The following MDGA2 variants were observed in gnomAD, a reference collection of about 807,000 sequenced individuals.
The protein encoded by MDGA2 is MAM domain containing glycosylphosphatidylinositol anchor 2.
Under a neutral mutation model 117.8 loss-of-function variants are expected in MDGA2, and 40 were observed. That is an observed-to-expected ratio of 0.34 (90% CI 0.26 to 0.44). MDGA2 has a LOEUF of 0.44. Ranked by LOEUF, MDGA2 falls within the 20% of genes least tolerant of loss-of-function variation. The probability of loss-of-function intolerance (pLI) is 1.00; values close to 1 mark genes in which losing one functional copy is unlikely to be tolerated. For missense variants in MDGA2, 1,123 were observed against 1,250.6 expected (o/e 0.90, Z 1.54); for synonymous variants, 452 against 439.0 (o/e 1.03, Z -0.37).
At chr14:47,639,291 A>G (rs1178138452) in intron 1 of MDGA2, among the ~76,000 whole-genome samples, 3 of 152,170 alleles carry the variant, frequency 2.0e-5, no homozygotes, top group South Asian at 2.1e-4. Flanking sequence ...ATTTGATTAA[A>G]ACTTTGATGA....
intron 8 of MDGA2, among the ~76,000 whole-genome samples, chr14:47,008,528 C>A (rs1333577624): frequency 6.6e-6 from 1 of 151,820 alleles, no homozygotes; most frequent in Non-Finnish European, 1.5e-5. Flanking sequence ...CATTTCTGCC[C>A]AGCAAAGCTA....
intron 6 of MDGA2, among the ~76,000 whole-genome samples, chr14:47,096,126 T>C (rs1879953045): frequency 6.6e-6 from 1 of 152,030 alleles, no homozygotes; most frequent in Non-Finnish European, 1.5e-5. Context: ...CATTGCTACT[T>C]TGACTTAGTG....
intron 2 of MDGA2, among the ~76,000 whole-genome samples, chr14:47,249,645 T>G (rs1887378845): frequency 6.6e-6 from 1 of 152,172 alleles, no homozygotes; most frequent in Non-Finnish European, 1.5e-5. Flanking sequence ...ACCACAATTC[T>G]TATGGCCTCT....
At chr14:46,930,180 AG>A (rs2138544524) in intron 9 of MDGA2, among the ~76,000 whole-genome samples, 1 of 152,280 alleles carries the variant, frequency 6.6e-6, no homozygotes, top group Admixed American at 6.5e-5. Flanking sequence ...TGTTGGCAAA[AG>A]TTTAATAAGT....
At chr14:47,368,581 G>A (rs1024962411) in intron 1 of MDGA2, among the ~76,000 whole-genome samples, 5 of 152,082 alleles carry the variant, frequency 3.3e-5, no homozygotes, top group African/African-American at 1.2e-4. Context: ...ACTGCTAGTC[G>A]ATGGCAATTT....
chr14:46,952,051 T>C (rs1209387599), intron 9 of MDGA2, among the ~76,000 whole-genome samples: 1 of 151,948 alleles, frequency 6.6e-6, no homozygotes, highest in Non-Finnish European at 1.5e-5. Context: ...GTGCATAGTT[T>C]ACAGAGATAA....
chr14:47,363,630 A>C (rs1891172872), intron 1 of MDGA2, among the ~76,000 whole-genome samples: 1 of 152,164 alleles, frequency 6.6e-6, no homozygotes, highest in Non-Finnish European at 1.5e-5. Context: ...ATTATAATAA[A>C]AAGTCACACA....
At chr14:47,386,432 T>C (rs1276294596) in intron 1 of MDGA2, among the ~76,000 whole-genome samples, 1 of 152,174 alleles carries the variant, frequency 6.6e-6, no homozygotes, top group African/African-American at 2.4e-5. Context: ...ATAATCATCA[T>C]CAGTTTCACA....
At chr14:47,433,232 T>C (rs1022287360) in intron 1 of MDGA2, among the ~76,000 whole-genome samples, 1 of 152,088 alleles carries the variant, frequency 6.6e-6, no homozygotes, top group South Asian at 2.1e-4. Context: ...CTATTAGACA[T>C]AGAAACCTTA....
intron 3 of MDGA2, among the ~76,000 whole-genome samples, chr14:47,182,337 C>A (rs914758434): frequency 6.6e-6 from 1 of 151,950 alleles, no homozygotes; most frequent in Non-Finnish European, 1.5e-5. Flanking sequence ...GAAGCCCTAA[C>A]CCCCAATGTG....
intron 1 of MDGA2, among the ~76,000 whole-genome samples, chr14:47,408,610 G>C (rs1196858397): frequency 6.6e-6 from 1 of 152,160 alleles, no homozygotes; most frequent in African/African-American, 2.4e-5. Flanking sequence ...CCTCCACAAA[G>C]TTTTATCAAC....
chr14:46,931,481 G>GA (rs886854288), intron 9 of MDGA2, among the ~76,000 whole-genome samples: 4 of 146,640 alleles, frequency 2.7e-5, no homozygotes, highest in East Asian at 2.0e-4. Context: ...TTATAATTTA[G>GA]AAAAAAAATG....
intron 1 of MDGA2, among the ~76,000 whole-genome samples, chr14:47,611,129 T>C (rs964697258): frequency 2.6e-4 from 39 of 152,114 alleles, no homozygotes; most frequent in African/African-American, 8.9e-4. Context: ...TATTCAAAAA[T>C]GGTGCTGGGA....
At chr14:47,401,873 A>C (rs773311847) in intron 1 of MDGA2, among the ~76,000 whole-genome samples, 2 of 152,250 alleles carry the variant, frequency 1.3e-5, no homozygotes, top group African/African-American at 4.8e-5. Flanking sequence ...ATTGTGAAGT[A>C]GAATTAATAC....
At chr14:47,097,188 T>G (rs1048047998) in intron 5 of MDGA2, 65 bp from the exon 6 acceptor site, 57 of 1,523,486 alleles carry the variant, frequency 3.7e-5, no homozygotes, top group Non-Finnish European at 4.4e-5. Flanking sequence ...TTCAACAGCA[T>G]GCATTATATT....
Position 47,560,180 on chromosome 14 carries a change from G to A in MDGA2, c.280+114337C>T, listed in dbSNP as rs1895770073. On this transcript the variant is annotated intron_variant, in intron 1 of 16. Coordinates refer to ENST00000399232, the MANE Select transcript of MDGA2 (RefSeq NM_001113498.3). ...CCTCCCGGGTTCACGCCATTCTCCTGCGTCAGCCTTCCGAGTAGCTGGGAC... is the reference window on the plus strand; with the variant it reads ...CCTCCCGGGTTCACGCCATTCTCCTACGTCAGCCTTCCGAGTAGCTGGGAC... Among the ~76,000 whole-genome samples the A allele has an allele frequency of 4.0e-5, 6 of 151,526 alleles. No homozygotes were observed. The South Asian group carries it at 1.3e-3, about 32-fold the overall frequency.
intron 15 of MDGA2, among the ~76,000 whole-genome samples, chr14:46,846,604 T>G (rs922937045): frequency 2.0e-5 from 3 of 152,156 alleles, no homozygotes; most frequent in Admixed American, 6.5e-5. Context: ...TATTAAATAC[T>G]TAAAACAATG....
At chr14:47,355,821 C>T (rs988044388) in intron 1 of MDGA2, among the ~76,000 whole-genome samples, 13 of 152,290 alleles carry the variant, frequency 8.5e-5, no homozygotes, top group Admixed American at 2.0e-4. Context: ...TCCCAGTTAG[C>T]GTAACCCTGA....
Position 47,201,063 on chromosome 14 carries a change from A to T in MDGA2, c.595+16958T>A, listed in dbSNP as rs1885488939. The stretch of plus-strand genomic sequence containing the variant: ...CAATGGCCGCCAGGCGGCCCAGGAG[A>T]TGGCCTCGACCATCAAGCACCAAGA... On this transcript the variant is annotated intron_variant, in intron 3 of 16. Transcript: ENST00000399232. 5.3e-6 allele frequency: 6 copies of T among 1,138,472 alleles called. No homozygotes were observed. In the Admixed American group the frequency reaches 1.0e-4, roughly 19 times the overall value. The allele number at this position is 1,138,472 out of a possible 1,614,324, so 70.5% of individuals were successfully genotyped here. A position where few individuals can be genotyped will look rare whatever the true frequency, so the allele number is the denominator to read the frequency against.
Sources: allele counts gnomAD v4.1 joint callset (sites outside exome capture counted in the v4.1 genomes callset), GRCh38; gene constraint gnomAD v4.1.1; transcripts MANE v1.5; gene names NCBI Gene and HGNC (gene_info 2026-07-23, HGNC 2026-07-21).